Variants in PBX3 observed in about 807,000 individuals in gnomAD.
PBX3 encodes PBX homeobox 3.
PBX3 carries 14 observed loss-of-function variants against 48.5 expected under a neutral mutation model. The ratio of observed to expected loss-of-function variants is 0.29; its 90% CI spans 0.19 to 0.45. The LOEUF (loss-of-function observed/expected upper bound fraction) is 0.45, where lower values mean the gene tolerates loss of function less well. Among genes scored for constraint, PBX3 ranks in the 20% least tolerant of loss-of-function variants. The pLI, the probability that PBX3 is intolerant of heterozygous loss-of-function variation, is 1.00. For synonymous variants in PBX3, 210 were observed against 200.3 expected (o/e 1.05, Z -0.41); for missense variants, 386 against 546.7 (o/e 0.71, Z 2.93).
At chr9:125,793,357 G>GAAAAAAA (rs374195121) in intron 2 of PBX3, among the ~76,000 whole-genome samples, 3 of 109,066 alleles carry the variant, frequency 2.8e-5, no homozygotes, top group African/African-American at 7.9e-5. Context: ...ATTTGGGGGG[G>GAAAAAAA]AAAAAAAAAA....
intron 2 of PBX3, among the ~76,000 whole-genome samples, chr9:125,856,209 A>G (rs891998718): frequency 6.6e-6 from 1 of 152,236 alleles, no homozygotes; most frequent in Non-Finnish European, 1.5e-5. Flanking sequence ...TATTAATAAA[A>G]GATATATTAT....
intron 2 of PBX3, among the ~76,000 whole-genome samples, chr9:125,907,201 A>G (rs996641617): frequency 2.6e-5 from 4 of 152,056 alleles, no homozygotes; most frequent in Admixed American, 2.6e-4. Context: ...GCTAAAAGCA[A>G]TAAAACTATA....
At chr9:125,827,312 A>G (rs1415621575) in intron 2 of PBX3, among the ~76,000 whole-genome samples, 1 of 152,152 alleles carries the variant, frequency 6.6e-6, no homozygotes, top group Non-Finnish European at 1.5e-5. Flanking sequence ...TAAGTTTAAT[A>G]AATGTTAACA....
At chr9:125,771,216 T>G (rs967310172) in intron 2 of PBX3, among the ~76,000 whole-genome samples, 2 of 152,246 alleles carry the variant, frequency 1.3e-5, no homozygotes, top group Non-Finnish European at 2.9e-5. Context: ...TATCACACTA[T>G]TGTTCAAATG....
In PBX3 at chr9:125,947,428, A is replaced by G. The variant is rs542444394; in HGVS notation, c.843+11821A>G. 8.9e-4 allele frequency among the ~76,000 whole-genome samples: 136 copies of G among 152,290 alleles called. 1 individual carries two copies. The Middle Eastern group carries it at 0.014, about 15-fold the overall frequency. ...TTCCGGGAAAGATGGCAAAAGTACC[A>G]ATTAGTGAAAAAGTACCAATTAATG... On this transcript the variant is annotated intron_variant, in intron 5 of 8. Coordinates refer to ENST00000373489, the MANE Select transcript of PBX3 (RefSeq NM_006195.6).
chr9:125,916,617 A>G (rs935558337), intron 3 of PBX3, among the ~76,000 whole-genome samples: 2 of 152,246 alleles, frequency 1.3e-5, no homozygotes, highest in Non-Finnish European at 1.5e-5. Context: ...GAAAAAATTA[A>G]TACTGCTAGT....
chr9:125,857,059 A>T (rs1375318884), intron 2 of PBX3, among the ~76,000 whole-genome samples: 3 of 152,198 alleles, frequency 2.0e-5, no homozygotes, highest in Non-Finnish European at 4.4e-5. Flanking sequence ...TCAGAAATTG[A>T]TATTAAATAT....
chr9:125,814,316 A>G (rs1452423046), intron 2 of PBX3, among the ~76,000 whole-genome samples: 1 of 151,966 alleles, frequency 6.6e-6, no homozygotes, highest in East Asian at 1.9e-4. Flanking sequence ...CTAACTTTGT[A>G]TAGATTTTAA....
intron 2 of PBX3, among the ~76,000 whole-genome samples, chr9:125,762,415 G>C (rs968920179): frequency 6.6e-6 from 1 of 151,976 alleles, no homozygotes; most frequent in Admixed American, 6.6e-5. Context: ...CCCTTTAAGA[G>C]AATATTTACT....
intron 2 of PBX3, among the ~76,000 whole-genome samples, chr9:125,874,577 T>C (rs902058953): frequency 6.6e-6 from 1 of 152,166 alleles, no homozygotes; most frequent in African/African-American, 2.4e-5. Context: ...CTTGACCTAA[T>C]TGACAATTTA....
In PBX3 at chr9:125,966,854, C is replaced by G. The variant is rs1054522277; in HGVS notation, c.*931C>G. On this transcript the variant is annotated 3_prime_UTR_variant, in exon 9 of 9. Coordinates refer to ENST00000373489, the MANE Select transcript of PBX3 (RefSeq NM_006195.6). ...TCACTTACTACCTCTGAACAATACT[C>G]ACGCTGTAGTTTGTCTCTTTCTTAT... 1 of 152,602 alleles carries G rather than the reference C, an allele frequency of 6.6e-6. No homozygotes were observed. The highest frequency in any genetic ancestry group is 1.5e-5 in the Non-Finnish European group (1 of 68,026). The allele number at this position is 152,602 out of a possible 1,614,324, so 9.5% of individuals were successfully genotyped here.
chr9:125,823,693 G>T (rs918398527), intron 2 of PBX3, among the ~76,000 whole-genome samples: 2 of 152,218 alleles, frequency 1.3e-5, no homozygotes, highest in African/African-American at 2.4e-5. Flanking sequence ...TTATCTTGGG[G>T]TTTAGAAGAC....
intron 2 of PBX3, among the ~76,000 whole-genome samples, chr9:125,793,127 C>T (rs1295068037): frequency 2.6e-5 from 4 of 151,154 alleles, no homozygotes; most frequent in Admixed American, 6.6e-5. Context: ...CCGAGGTGGG[C>T]GGATCATGAG....
chr9:125,888,537 G>A (rs951708754), intron 2 of PBX3, among the ~76,000 whole-genome samples: 1 of 148,036 alleles, frequency 6.8e-6, no homozygotes, highest in Non-Finnish European at 1.5e-5. Flanking sequence ...ATTTTTTTGG[G>A]AGGGATACGA....
intron 2 of PBX3, among the ~76,000 whole-genome samples, chr9:125,771,252 A>G (rs1488212749): frequency 2.0e-5 from 3 of 152,236 alleles, no homozygotes; most frequent in Non-Finnish European, 2.9e-5. Context: ...TAGACACAAC[A>G]TCCCAGGCTT....
rs1368240584 is a variant in PBX3, at chr9:125,929,977, A to G, written c.707+132A>G. The G allele has an allele frequency of 5.9e-6, 4 of 675,096 alleles. No homozygotes were observed. In the Admixed American group the frequency reaches 8.0e-5, roughly 14 times the overall value. The allele number at this position is 675,096 out of a possible 1,614,324, so 41.8% of individuals were successfully genotyped here. On this transcript the variant is annotated intron_variant, in intron 4 of 8. Coordinates refer to ENST00000373489, the MANE Select transcript of PBX3 (RefSeq NM_006195.6). Reference sequence around the variant, plus strand: ...GAGTCTTTTGTACAATGGACAGGTAATTCAACTCATGGTTCCTGTGCTGTC... The same window carrying G: ...GAGTCTTTTGTACAATGGACAGGTAGTTCAACTCATGGTTCCTGTGCTGTC...
intron 2 of PBX3, among the ~76,000 whole-genome samples, chr9:125,798,685 G>A (rs1837853663): frequency 1.3e-5 from 2 of 151,952 alleles, no homozygotes; most frequent in Non-Finnish European, 2.9e-5. Context: ...TCTAATTATT[G>A]TTTCATTATA....
intron 2 of PBX3, among the ~76,000 whole-genome samples, chr9:125,889,778 G>A (rs1840591949): frequency 6.7e-6 from 1 of 149,752 alleles, no homozygotes; most frequent in Admixed American, 6.7e-5. Context: ...GCCGGGCCGC[G>A]GGGCCTCCCG....
chr9:125,873,042 A>T (rs1840165281), intron 2 of PBX3, among the ~76,000 whole-genome samples: 1 of 151,956 alleles, frequency 6.6e-6, no homozygotes, highest in African/African-American at 2.4e-5. Flanking sequence ...TACTAAAAAA[A>T]ATACAAAAAT....
Sources: gnomAD v4.1 joint callset for allele counts (sites outside exome capture counted in the v4.1 genomes callset) on GRCh38, gnomAD v4.1.1 for gene constraint, MANE v1.5 for transcripts, NCBI Gene and HGNC (gene_info 2026-07-23, HGNC 2026-07-21) for gene names.